The following PRKG1 variants were observed in gnomAD, a reference collection of about 807,000 sequenced individuals.
PRKG1 encodes protein kinase cGMP-dependent 1, also known as cGMP-dependent protein kinase 1.
Under a neutral mutation model 88.1 loss-of-function variants are expected in PRKG1, and 35 were observed. The ratio of observed to expected loss-of-function variants is 0.40; its 90% CI spans 0.30 to 0.53. The LOEUF (loss-of-function observed/expected upper bound fraction) is 0.53. PRKG1 is among the 20% of genes least tolerant of loss of function. The probability of loss-of-function intolerance (pLI) is 0.59; values close to 1 mark genes in which losing one functional copy is unlikely to be tolerated. For synonymous variants in PRKG1, 303 were observed against 292.5 expected (o/e 1.04, Z -0.37); for missense variants, 540 against 839.8 (o/e 0.64, Z 4.41).
chr10:51,537,240 T>G (rs1441330845), intron 3 of PRKG1, among the ~76,000 whole-genome samples: 1 of 152,210 alleles, frequency 6.6e-6, no homozygotes, highest in African/African-American at 2.4e-5. Context: ...CATGTTTGTA[T>G]CCTTTGTACC....
chr10:51,052,426 A>G (rs1191604388), intron 1 of PRKG1, among the ~76,000 whole-genome samples: 1 of 152,236 alleles, frequency 6.6e-6, no homozygotes, highest in Non-Finnish European at 1.5e-5. Flanking sequence ...TTTTGAATAC[A>G]TAAACAGATG....
chr10:51,010,949 T>A (rs1331045796), intron 1 of PRKG1, among the ~76,000 whole-genome samples: 1 of 152,212 alleles, frequency 6.6e-6, no homozygotes, highest in Non-Finnish European at 1.5e-5. Context: ...GCTTAGATAA[T>A]ATGTACAGAT....
chr10:51,837,466 T>C (rs2132767255), intron 4 of PRKG1, among the ~76,000 whole-genome samples: 1 of 152,270 alleles, frequency 6.6e-6, no homozygotes, highest in East Asian at 1.9e-4. Context: ...CACACATTTT[T>C]TTAAATTCCT....
intron 3 of PRKG1, among the ~76,000 whole-genome samples, chr10:51,660,348 C>A (rs1243177901): frequency 6.6e-6 from 1 of 151,032 alleles, no homozygotes; most frequent in African/African-American, 2.4e-5. Context: ...AAACTTTGAG[C>A]AGTTTCAAGG....
chr10:51,958,546 C>CTTTTTTTTT (rs754914836), intron 5 of PRKG1, among the ~76,000 whole-genome samples: 1 of 92,866 alleles, frequency 1.1e-5, no homozygotes, highest in Admixed American at 1.1e-4. Context: ...ATTGTTGTTC[C>CTTTTTTTTT]TTTTTTTTTT....
At chr10:51,766,093 G>A (rs1360790398) in intron 3 of PRKG1, among the ~76,000 whole-genome samples, 1 of 151,954 alleles carries the variant, frequency 6.6e-6, no homozygotes, top group East Asian at 1.9e-4. Flanking sequence ...AAAGTTCTTT[G>A]TCTCATGGCC....
intron 4 of PRKG1, among the ~76,000 whole-genome samples, chr10:51,891,569 A>G (rs1231607107): frequency 1.3e-5 from 2 of 152,336 alleles, no homozygotes; most frequent in Non-Finnish European, 2.9e-5. Flanking sequence ...TTGAGTATCT[A>G]TCATTTACTA....
chr10:51,115,577 T>C (rs1845101492), intron 1 of PRKG1, among the ~76,000 whole-genome samples: 1 of 150,980 alleles, frequency 6.6e-6, no homozygotes, highest in African/African-American at 2.4e-5. Flanking sequence ...TGGTGGCTCA[T>C]GCCTGTAATC....
chr10:51,093,213 A>T (rs1448634318), intron 1 of PRKG1, among the ~76,000 whole-genome samples: 1 of 152,104 alleles, frequency 6.6e-6, no homozygotes, highest in Non-Finnish European at 1.5e-5. Flanking sequence ...TATCTCTCCA[A>T]ACTCTTTGAA....
chr10:51,985,631 T>A (rs1844134870), intron 5 of PRKG1, among the ~76,000 whole-genome samples: 1 of 152,186 alleles, frequency 6.6e-6, no homozygotes, highest in African/African-American at 2.4e-5. Context: ...GAAGTTTGCA[T>A]CTAATTAATA....
At chr10:51,519,493 A>T (rs906781063) in intron 3 of PRKG1, among the ~76,000 whole-genome samples, 1 of 152,162 alleles carries the variant, frequency 6.6e-6, no homozygotes, top group Non-Finnish European at 1.5e-5. Flanking sequence ...GGAAAAAAAC[A>T]TGAGGGGGGA....
chr10:52,207,314 G>C (rs115890629), intron 9 of PRKG1, among the ~76,000 whole-genome samples: 6 of 152,218 alleles, frequency 3.9e-5, no homozygotes, highest in Non-Finnish European at 7.4e-5. Context: ...GGTTCAGTCT[G>C]CTGGTGAGGG....
chr10:51,121,554 A>G (rs1845261271), intron 1 of PRKG1, among the ~76,000 whole-genome samples: 1 of 152,146 alleles, frequency 6.6e-6, no homozygotes, highest in African/African-American at 2.4e-5. Flanking sequence ...TTTTTATGTC[A>G]TATCTCACTG....
chr10:52,198,208 G>A (rs1022924869), intron 9 of PRKG1, among the ~76,000 whole-genome samples: 22 of 152,130 alleles, frequency 1.4e-4, no homozygotes, highest in African/African-American at 9.7e-5. Flanking sequence ...ATATGGTTTC[G>A]AGAAACTAAA....
At chr10:52,116,636 C>A (rs953801947) in intron 7 of PRKG1, among the ~76,000 whole-genome samples, 24 of 152,034 alleles carry the variant, frequency 1.6e-4, no homozygotes, top group African/African-American at 5.6e-4. Context: ...CAGTGTGACA[C>A]TCATGATGGT....
chr10:51,474,739 T>C (rs1840145401), intron 3 of PRKG1, among the ~76,000 whole-genome samples: 1 of 151,998 alleles, frequency 6.6e-6, no homozygotes, highest in African/African-American at 2.4e-5. Context: ...TTATGTTTTG[T>C]TATATAACAA....
rs529285878 is a variant in PRKG1 at position 51,533,598 on chromosome 10, A to G, written c.592+65762A>G. ...GTATTTATGTCACAGAAATCAGCGA[A>G]CAATTCAACTAAAAGCTTTAAAAAA... is the stretch of plus-strand genomic sequence containing the variant. On this transcript the variant is annotated intron_variant, in intron 3 of 17. Transcript: ENST00000373980. Among the ~76,000 whole-genome samples, 12 of 146,668 alleles carry G rather than the reference A, an allele frequency of 8.2e-5. 1 individual carries two copies. In the South Asian group the frequency reaches 2.2e-3, roughly 27 times the overall value.
intron 2 of PRKG1, among the ~76,000 whole-genome samples, chr10:51,403,343 A>G (rs930534750): frequency 6.6e-6 from 1 of 152,198 alleles, no homozygotes; most frequent in Non-Finnish European, 1.5e-5. Flanking sequence ...GTTGCATTTG[A>G]TTAGATTTCT....
intron 2 of PRKG1, among the ~76,000 whole-genome samples, chr10:51,339,029 A>G (rs929161406): frequency 2.0e-5 from 3 of 152,206 alleles, no homozygotes; most frequent in African/African-American, 7.2e-5. Context: ...GTAAGTATTC[A>G]TTAAATTGGG....
Sources: gnomAD v4.1 joint callset for allele counts (sites outside exome capture counted in the v4.1 genomes callset) on GRCh38, gnomAD v4.1.1 for gene constraint, MANE v1.5 for transcripts, NCBI Gene and HGNC (gene_info 2026-07-23, HGNC 2026-07-21) for gene names.